LINGO2: variants seen among roughly 807,000 people sequenced by gnomAD.
LINGO2 encodes the protein leucine-rich repeat and immunoglobulin-like domain-containing nogo receptor-interacting protein 2.
A neutral mutation model predicts 30.6 loss-of-function variants in LINGO2; 14 were observed. The ratio of observed to expected loss-of-function variants is 0.46; its 90% CI spans 0.30 to 0.72. The LOEUF (loss-of-function observed/expected upper bound fraction) is 0.72. Ranked by LOEUF, LINGO2 falls within the 30% of genes least tolerant of loss-of-function variation. The pLI is 0.07. For synonymous variants in LINGO2, 317 were observed against 288.5 expected, an observed-to-expected ratio of 1.10 and a Z score of -1.00; for missense variants, 729 against 751.7, an observed-to-expected ratio of 0.97 and a Z score of 0.35.
the LINGO2 span, among the ~76,000 whole-genome samples, chr9:29,052,958 T>C: frequency 1.3e-5 from 2 of 152,150 alleles, no homozygotes; most frequent in African/African-American, 4.8e-5. Context: ...CTTGTTTTTT[T>C]TGAAATCCAA....
At chr9:28,089,281 C>T (rs535781406) in intron 4 of LINGO2, among the ~76,000 whole-genome samples, 35 of 152,310 alleles carry the variant, frequency 2.3e-4, no homozygotes, top group African/African-American at 7.9e-4. Context: ...AGCACCACAT[C>T]ACACTTATTC....
At chr9:29,195,029 A>ACCCACC in the LINGO2 span, among the ~76,000 whole-genome samples, 1 of 144,996 alleles carries the variant, frequency 6.9e-6, no homozygotes, top group South Asian at 2.3e-4. Flanking sequence ...TTATAACCCT[A>ACCCACC]CCCACCCCCA....
In LINGO2 at chr9:28,211,824, A is replaced by G. The variant is rs191242168; in HGVS notation, c.-87+83384T>C. Among the ~76,000 whole-genome samples, 3 of 151,262 alleles carry G rather than the reference A, an allele frequency of 2.0e-5. No individual in the cohort carries two copies. In the East Asian group the frequency reaches 5.8e-4, roughly 29 times the overall value. ...GTTGTCTCCTCCTTTCTTGCTTGCTAAATTTACTCTTACTTTCCTTTTTCT... is the reference window on the plus strand; with the variant it reads ...GTTGTCTCCTCCTTTCTTGCTTGCTGAATTTACTCTTACTTTCCTTTTTCT... On this transcript the variant is annotated intron_variant, in intron 4 of 5. Coordinates refer to ENST00000379992, the Ensembl canonical transcript of LINGO2.
At chr9:28,786,549 A>G in the LINGO2 span, among the ~76,000 whole-genome samples, 2 of 152,226 alleles carry the variant, frequency 1.3e-5, no homozygotes, top group African/African-American at 4.8e-5. Context: ...CCTAGGGTGT[A>G]GGTAATCTAA....
intron 4 of LINGO2, among the ~76,000 whole-genome samples, chr9:28,103,201 AT>A (rs1826468820): frequency 6.6e-6 from 1 of 152,162 alleles, no homozygotes; most frequent in Non-Finnish European, 1.5e-5. Context: ...GATTCTTTGA[AT>A]TTTTATGGAA....
intron 4 of LINGO2, among the ~76,000 whole-genome samples, chr9:28,023,593 G>A (rs964691774): frequency 7.2e-5 from 11 of 152,214 alleles, no homozygotes; most frequent in Non-Finnish European, 1.6e-4. Flanking sequence ...TAGCTTCTCC[G>A]CAGCCCAGTT....
At chr9:28,473,613 G>A (rs1825615546) in intron 2 of LINGO2, among the ~76,000 whole-genome samples, 1 of 152,064 alleles carries the variant, frequency 6.6e-6, no homozygotes, top group Non-Finnish European at 1.5e-5. Context: ...TTCTGTAGAT[G>A]TAGAGGCACT....
the LINGO2 span, among the ~76,000 whole-genome samples, chr9:28,740,674 TA>T: frequency 1.2e-4 from 18 of 152,132 alleles, 1 homozygote; most frequent in East Asian, 2.7e-3. Flanking sequence ...ACTACATTCT[TA>T]AAAAATTGAT....
intron 1 of LINGO2, among the ~76,000 whole-genome samples, chr9:28,640,750 A>T (rs1827535081): frequency 6.6e-6 from 1 of 151,636 alleles, no homozygotes; most frequent in Admixed American, 6.6e-5. Context: ...AAGGTTTTTA[A>T]CTTCTTTGCC....
chr9:29,212,837 C>A, the LINGO2 span, among the ~76,000 whole-genome samples: 1 of 152,214 alleles, frequency 6.6e-6, no homozygotes, highest in Non-Finnish European at 1.5e-5. Context: ...ATCCTCCTAA[C>A]TTGACTTAAC....
intron 4 of LINGO2, among the ~76,000 whole-genome samples, chr9:28,277,362 C>T (rs555711592): frequency 4.6e-5 from 7 of 152,282 alleles, no homozygotes; most frequent in African/African-American, 1.7e-4. Context: ...GCTCCATTGA[C>T]TAGCAGTTCC....
At chr9:29,040,479 A>G in the LINGO2 span, among the ~76,000 whole-genome samples, 1 of 151,900 alleles carries the variant, frequency 6.6e-6, no homozygotes, top group South Asian at 2.1e-4. Context: ...TTACATATAA[A>G]TACTGGTTAT....
Position 28,460,754 on chromosome 9 carries a change from AT to A in LINGO2, c.-279+15185del, listed in dbSNP as rs201291953. On this transcript the variant is annotated intron_variant, in intron 2 of 5. Transcript: ENST00000379992. ...GTGCAGGTATTTGGGAAGAAGTGGT[AT>A]GATAGATGGTATTCTACAGCAATGA... Among the ~76,000 whole-genome samples the A allele has an allele frequency of 6.8e-4, 104 of 152,222 alleles. 2 individuals carry two copies. In the East Asian group the frequency reaches 0.019, roughly 27 times the overall value.
chr9:28,876,857 A>G, the LINGO2 span, among the ~76,000 whole-genome samples: 1 of 152,072 alleles, frequency 6.6e-6, no homozygotes, highest in Non-Finnish European at 1.5e-5. Context: ...ACTAGTTTGC[A>G]GTCCCACCAA....
the LINGO2 span, among the ~76,000 whole-genome samples, chr9:28,746,848 G>C: frequency 3.9e-5 from 6 of 151,946 alleles, no homozygotes; most frequent in Non-Finnish European, 8.8e-5. Flanking sequence ...CCATGACCTC[G>C]GAAACTTCAC....
the LINGO2 span, among the ~76,000 whole-genome samples, chr9:29,013,876 T>C: frequency 1.3e-5 from 2 of 152,164 alleles, no homozygotes; most frequent in African/African-American, 4.8e-5. Flanking sequence ...ATCAACTATC[T>C]AGACATCTAA....
At chr9:29,194,868 T>C in the LINGO2 span, among the ~76,000 whole-genome samples, 1 of 152,194 alleles carries the variant, frequency 6.6e-6, no homozygotes, top group East Asian at 1.9e-4. Context: ...TATTCAAATT[T>C]CCTCAGTATA....
chr9:28,101,014 C>T (rs1028662382), intron 4 of LINGO2, among the ~76,000 whole-genome samples: 5 of 151,976 alleles, frequency 3.3e-5, no homozygotes, highest in African/African-American at 1.2e-4. Flanking sequence ...TGAGCAACTG[C>T]TCCTTTGAAT....
the LINGO2 span, among the ~76,000 whole-genome samples, chr9:28,797,581 G>C: frequency 6.6e-6 from 1 of 151,836 alleles, no homozygotes; most frequent in South Asian, 2.1e-4. Flanking sequence ...TAAAAGGTTA[G>C]AATTGCCATT....
Sources: gnomAD v4.1 joint callset for allele counts (sites outside exome capture counted in the v4.1 genomes callset) on GRCh38, gnomAD v4.1.1 for gene constraint, MANE v1.5 for transcripts, NCBI Gene and HGNC (gene_info 2026-07-23, HGNC 2026-07-21) for gene names.